CHST8: variants seen among roughly 807,000 people sequenced by gnomAD.
The protein encoded by CHST8 is GALNAC-4-ST1.
A neutral mutation model predicts 15.0 loss-of-function variants in CHST8; 10 were observed. The observed-to-expected ratio is 0.67, with a 90% confidence interval of 0.41 to 1.13. CHST8 has a LOEUF of 1.13. CHST8 is among the 50% of genes most tolerant of loss of function. The probability of loss-of-function intolerance (pLI) is 0.00; values close to 1 mark genes in which losing one functional copy is unlikely to be tolerated. For missense variants in CHST8, 634 were observed against 608.2 expected (o/e 1.04, Z -0.45); for synonymous variants, 259 against 256.6 (o/e 1.01, Z -0.09).
At chr19:33,689,548 T>G (rs944138120) in intron 3 of CHST8, among the ~76,000 whole-genome samples, 157 bp downstream of exon 3, 2 of 152,152 alleles carry the variant, frequency 1.3e-5, no homozygotes, top group African/African-American at 4.8e-5. Flanking sequence ...GGGGAAGGCG[T>G]TAGTCTCAAT....
chr19:33,753,162 AACGG>A (rs1166368528), intron 3 of CHST8, among the ~76,000 whole-genome samples: 4 of 151,714 alleles, frequency 2.6e-5, no homozygotes, highest in Non-Finnish European at 4.4e-5. Context: ...TGCCCGTGGG[AACGG>A]CACAGCCAGA....
intron 3 of CHST8, among the ~76,000 whole-genome samples, chr19:33,721,308 C>T (rs985090195): frequency 5.3e-5 from 8 of 152,212 alleles, no homozygotes; most frequent in African/African-American, 9.6e-5. Flanking sequence ...TCTCCATCTT[C>T]TGTCCTCTGA....
chr19:33,685,803 C>T (rs953573961), intron 2 of CHST8, among the ~76,000 whole-genome samples: 11 of 152,160 alleles, frequency 7.2e-5, no homozygotes, highest in African/African-American at 1.4e-4. Flanking sequence ...TTGAAAACAA[C>T]GTGCGACTTG....
At chr19:33,666,813 C>T (rs1972668119) in intron 1 of CHST8, among the ~76,000 whole-genome samples, 2 of 152,210 alleles carry the variant, frequency 1.3e-5, no homozygotes, top group South Asian at 4.1e-4. Context: ...AGCAATTCCC[C>T]TGTCTCAGCC....
intron 3 of CHST8, among the ~76,000 whole-genome samples, chr19:33,744,080 C>T (rs982285732): frequency 2.6e-5 from 4 of 152,214 alleles, no homozygotes; most frequent in Non-Finnish European, 4.4e-5. Flanking sequence ...CATGAGCCCC[C>T]GTGCCCAGCC....
chr19:33,684,037 AC>A (rs1972932799), intron 2 of CHST8, among the ~76,000 whole-genome samples: 1 of 152,120 alleles, frequency 6.6e-6, no homozygotes, highest in African/African-American at 2.4e-5. Flanking sequence ...TGGTCAGTTG[AC>A]GTGGCCTGTC....
intron 2 of CHST8, chr19:33,684,673 C>T (rs1972943375): frequency 6.6e-6 from 1 of 152,140 alleles, no homozygotes; most frequent in African/African-American, 2.4e-5. Flanking sequence ...ACTAGTCTGA[C>T]AAAACAGAAG....
chr19:33,721,866 C>G (rs1408271142), intron 3 of CHST8, among the ~76,000 whole-genome samples: 3 of 126,318 alleles, frequency 2.4e-5, no homozygotes, highest in East Asian at 4.9e-4. Flanking sequence ...GATGGATGGA[C>G]AGATGGATGG....
chr19:33,765,542 T>A (rs1403339095), intron 3 of CHST8, among the ~76,000 whole-genome samples: 1 of 126,028 alleles, frequency 7.9e-6, no homozygotes, highest in Non-Finnish European at 1.7e-5. Context: ...TGTGTGTGTG[T>A]GTGTGTGTGT....
intron 1 of CHST8, among the ~76,000 whole-genome samples, chr19:33,648,640 C>T (rs866550691): frequency 3.9e-5 from 6 of 152,094 alleles, no homozygotes; most frequent in South Asian, 2.1e-4. Context: ...TCTTGGAAAA[C>T]GGTCTAGCAA....
At chr19:33,763,013 C>A (rs866158517) in intron 3 of CHST8, among the ~76,000 whole-genome samples, 1 of 152,130 alleles carries the variant, frequency 6.6e-6, no homozygotes, top group South Asian at 2.1e-4. Context: ...AGATTACAGG[C>A]GCCCACCATC....
chr19:33,676,463 A>G (rs1239615067), intron 2 of CHST8, among the ~76,000 whole-genome samples: 1 of 152,158 alleles, frequency 6.6e-6, no homozygotes, highest in Non-Finnish European at 1.5e-5. Context: ...CCAGCTACTC[A>G]GGAGGCTGAG....
intron 2 of CHST8, among the ~76,000 whole-genome samples, chr19:33,678,304 C>T (rs1306950921): frequency 6.6e-6 from 1 of 152,182 alleles, no homozygotes; most frequent in Non-Finnish European, 1.5e-5. Context: ...CCAGTCACTT[C>T]CTGGTGGCCT....
intron 1 of CHST8, among the ~76,000 whole-genome samples, chr19:33,640,972 C>A: frequency 6.6e-6 from 1 of 152,148 alleles, no homozygotes; most frequent in East Asian, 1.9e-4. Flanking sequence ...CCCATCCCAC[C>A]GCCAGGGACT....
chr19:33,693,295 C>T (rs112596066), intron 3 of CHST8, among the ~76,000 whole-genome samples: 19,180 of 152,076 alleles, frequency 0.13, 1,345 homozygotes, highest in Non-Finnish European at 0.16. Flanking sequence ...TGAGAGCCAC[C>T]GTGCCCAGCC....
At chr19:33,732,279 A>C (rs1034617529) in intron 3 of CHST8, among the ~76,000 whole-genome samples, 4 of 152,114 alleles carry the variant, frequency 2.6e-5, no homozygotes, top group Admixed American at 2.6e-4. Flanking sequence ...CACGCCTAAT[A>C]AATAAGCCCG....
intron 1 of CHST8, among the ~76,000 whole-genome samples, chr19:33,664,652 A>T (rs1203754753): frequency 3.3e-5 from 5 of 152,114 alleles, no homozygotes; most frequent in Non-Finnish European, 7.4e-5. Context: ...ATGATTTAAA[A>T]AAAATTATAC....
chr19:33,767,507 A>T (rs1471658029), intron 3 of CHST8, among the ~76,000 whole-genome samples: 1 of 152,236 alleles, frequency 6.6e-6, no homozygotes, highest in African/African-American at 2.4e-5. Flanking sequence ...ACTTCAGCCA[A>T]TGAAGAGTTC....
In CHST8 at chr19:33,711,383, T is replaced by C. The variant is rs117877654; in HGVS notation, c.130+21992T>C. Reference sequence around the variant, plus strand: ...CTCTGTAAATAGAGCCCTCAGAAGGTATCAGAACCTCTGGCCATTGGTGGA... The same window carrying C: ...CTCTGTAAATAGAGCCCTCAGAAGGCATCAGAACCTCTGGCCATTGGTGGA... On this transcript the variant is annotated intron_variant, in intron 3 of 4. Coordinates refer to ENST00000650847, the MANE Select transcript of CHST8 (RefSeq NM_001127895.2). Among the ~76,000 whole-genome samples the C allele has an allele frequency of 5.5e-3, 840 of 152,244 alleles. 3 individuals carry two copies. The highest frequency in any genetic ancestry group is 8.9e-3 in the Non-Finnish European group (608 of 68,006).
Sources: gnomAD v4.1 joint callset for allele counts (sites outside exome capture counted in the v4.1 genomes callset) on GRCh38, gnomAD v4.1.1 for gene constraint, MANE v1.5 for transcripts, NCBI Gene and HGNC (gene_info 2026-07-23, HGNC 2026-07-21) for gene names.